The following TOPORS variants were observed in gnomAD, a reference collection of about 807,000 sequenced individuals.
TOPORS encodes TOP1 binding arginine/serine rich protein, E3 ubiquitin ligase.
Under a neutral mutation model 81.4 loss-of-function variants are expected in TOPORS, and 25 were observed. That is an observed-to-expected ratio of 0.31 (90% CI 0.22 to 0.43). TOPORS has a LOEUF of 0.43. TOPORS is among the 20% of genes least tolerant of loss of function. TOPORS has a pLI of 1.00. For missense variants in TOPORS, 1,101 were observed against 1,267.0 expected, an observed-to-expected ratio of 0.87 and a Z score of 1.99; for synonymous variants, 473 against 456.6, an observed-to-expected ratio of 1.04 and a Z score of -0.46.
At position 32,550,781 on chromosome 9, in the gene TOPORS, G is replaced by A; in HGVS notation, c.191C>T (p.Ser64Phe). The change falls in exon 2 of 3, where the codon TCC becomes TTC. Residue 64 changes from serine (S) to phenylalanine (F), a missense_variant. This residue lies in a region of TOPORS where 131 missense variants were observed against 101.0 expected (regional missense o/e 1.30). Transcript: ENST00000360538. ...ASAPARPAPA[S>F]SEIMASAAKE... ...GTTCCGAATCTCACTCACCTCGGAG[G>A]ATGCCGGCGCAGGCCTGGCTGGGGC... 6.2e-7 allele frequency: 1 copy of A among 1,612,916 alleles called. No homozygotes were observed.
chr9:32,543,503 C>T lies in TOPORS; in HGVS notation c.1022G>A (p.Arg341Lys). 6.2e-7 allele frequency: 1 copy of T among 1,613,876 alleles called. No individual in the cohort carries two copies. ...LESQAFVSDL[R>K]PFLLNRTEHF... ...CTCAGTTCGATTAAGTAAAAATGGT[C>T]TTAAATCAGACACAAATGCCTGACT... The change falls in exon 3 of 3, where the codon AGA becomes AAA. Residue 341 changes from arginine to lysine, a missense_variant. This residue lies in a region of TOPORS where 69 missense variants were observed against 153.6 expected (regional missense o/e 0.45). Transcript: ENST00000360538. This position sits in a 1 kb window ranked among gnomAD's most constrained non-coding sequence, Gnocchi z 5.6.
intron 2 of TOPORS, among the ~76,000 whole-genome samples, chr9:32,548,314 G>C (rs966590387): frequency 2.0e-5 from 3 of 150,750 alleles, no homozygotes; most frequent in African/African-American, 4.9e-5. Flanking sequence ...ACCTGAGGTC[G>C]GGAGTTCGAG....
At chr9:32,547,580 T>C (rs1252858641) in intron 2 of TOPORS, among the ~76,000 whole-genome samples, 1 of 151,896 alleles carries the variant, frequency 6.6e-6, no homozygotes. Context: ...TTATGCTAAA[T>C]GAATGAAAAA....
rs1203089311 is a variant in TOPORS, at chr9:32,541,191, A to G, written c.*196T>C. ...TCATTTTCTTCACTTAAAAGTGCAT[A>G]TCTTTGAGGGTGGGACATACATTTT... On this transcript the variant is annotated 3_prime_UTR_variant, in exon 3 of 3. Transcript: ENST00000360538. 1.8e-6 allele frequency: 1 copy of G among 547,754 alleles called. No individual in the cohort carries two copies. Among genetic ancestry groups the G allele is most frequent in the Non-Finnish European group, 3.2e-6 (1 of 312,938 alleles). 33.9% of individuals were successfully genotyped at this position (547,754 alleles called of 1,614,324 possible).
At position 32,541,717 on chromosome 9, in the gene TOPORS, T is replaced by C. The variant is rs193920910; in HGVS notation, c.2808A>G (p.Gln936=). ...CCAAGGAAGGAGCCAAAAACTCATT[T>C]TGTAGAGGGTCTTGAGGACCACTAT... ...CDNSGPQDPL[Q]NEFLAPSLEP... The change falls in exon 3 of 3, where the codon CAA becomes CAG. Residue 936 remains glutamine (Q), a synonymous_variant. Coordinates refer to ENST00000360538, the MANE Select transcript of TOPORS (RefSeq NM_005802.5). The C allele has an allele frequency of 5.6e-6, 9 of 1,614,108 alleles. No individual in the cohort carries two copies. Among genetic ancestry groups the C allele is most frequent in the Middle Eastern group, 1.6e-4 (1 of 6,084 alleles).
chr9:32,542,375 T>C lies in TOPORS; in HGVS notation c.2150A>G (p.Glu717Gly). 6.2e-7 allele frequency: 1 copy of C among 1,614,126 alleles called. No individual in the cohort carries two copies. The highest frequency in any genetic ancestry group is 2.2e-5 in the East Asian group (1 of 44,888). The change falls in exon 3 of 3, where the codon GAA becomes GGA. Residue 717 changes from glutamate (E) to glycine (G), a missense_variant. Coordinates refer to ENST00000360538, the MANE Select transcript of TOPORS (RefSeq NM_005802.5). ...CAGAGTCCTCCTCCTGTAAGATGAT[T>C]CGTACCCATCCCTGTCCTTGTTTCT... ...YSRNKDRDGYESSYRRRTLSR... is the reference protein window; with the variant it reads ...YSRNKDRDGYGSSYRRRTLSR...
At chr9:32,552,237 G>C (rs1388867327) in intron 1 of TOPORS, 197 bp downstream of exon 1, 7 of 699,306 alleles carry the variant, frequency 1.0e-5, no homozygotes, top group African/African-American at 1.8e-5. Flanking sequence ...CTAAAAGGCG[G>C]GCAAGGCCCC....
chr9:32,549,477 A>T (rs1054436630), intron 2 of TOPORS, among the ~76,000 whole-genome samples: 3 of 152,204 alleles, frequency 2.0e-5, no homozygotes, highest in African/African-American at 7.2e-5. Context: ...TTTTTCTCAA[A>T]ATCTCACGTT....
At position 32,542,963 on chromosome 9, in the gene TOPORS, G is replaced by T. The variant is rs2118967612; in HGVS notation, c.1562C>A (p.Ser521Tyr). 1 of 1,614,172 alleles carries T rather than the reference G, an allele frequency of 6.2e-7. No individual in the cohort carries two copies. The highest frequency in any genetic ancestry group is 2.2e-5 in the East Asian group (1 of 44,876). ...AACATCGCTATCACCAGAACTGTAAGATTGCTCCTGTTCTTGTGTCTTCAC... is the reference window on the plus strand; with the variant it reads ...AACATCGCTATCACCAGAACTGTAATATTGCTCCTGTTCTTGTGTCTTCAC... Reference protein sequence around the residue: ...ETVKTQEQEQSYSSGDSDVSR... With the variant: ...ETVKTQEQEQYYSSGDSDVSR... The change falls in exon 3 of 3, where the codon TCT becomes TAT. Residue 521 changes from serine (S) to tyrosine (Y), a missense_variant. This residue lies in a region of TOPORS where 605 missense variants were observed against 636.1 expected (regional missense o/e 0.95). Coordinates refer to ENST00000360538, the MANE Select transcript of TOPORS (RefSeq NM_005802.5).
chr9:32,541,503 A>G lies in TOPORS; in HGVS notation c.3022T>C (p.Leu1008=). ...ACAATGTTACTGGGCTGGTTCTCCA[A>G]ATCAGAAACAAAGGTGCTCTCTTCT... is the stretch of plus-strand genomic sequence containing the variant. ...VREESTFVSD[L]ENQPSNIVSL... Residue 1008 remains leucine, a synonymous_variant, in exon 3 of 3, where the codon TTG becomes CTG. Transcript: ENST00000360538. 4.3e-6 allele frequency: 7 copies of G among 1,614,226 alleles called. No individual in the cohort carries two copies. Among genetic ancestry groups the G allele is most frequent in the Non-Finnish European group, 5.9e-6 (7 of 1,180,024 alleles).
intron 2 of TOPORS, among the ~76,000 whole-genome samples, chr9:32,545,710 G>A (rs1821132101): frequency 6.6e-6 from 1 of 152,044 alleles, no homozygotes; most frequent in African/African-American, 2.4e-5. Flanking sequence ...GCAGTGAGCT[G>A]AGACTGCACC....
intron 1 of TOPORS, 66 bp downstream of exon 1, chr9:32,552,368 G>C (rs1219261689): frequency 1.3e-6 from 2 of 1,592,244 alleles, no homozygotes; most frequent in African/African-American, 2.7e-5. Context: ...GGCAGCCACC[G>C]CCTGGGAGGT....
rs947595008 is a variant in TOPORS, at chr9:32,549,602, C to T, written c.198+1172G>A. Among the ~76,000 whole-genome samples the T allele has an allele frequency of 3.3e-5, 5 of 152,144 alleles. No homozygotes were observed. In the East Asian group the frequency reaches 7.7e-4, roughly 23 times the overall value. Reference sequence around the variant, plus strand: ...GAACTCAACAATGTTCTCTATGTTACGTGAACACGAAGTGAATTTCGGTAG... The same window carrying T: ...GAACTCAACAATGTTCTCTATGTTATGTGAACACGAAGTGAATTTCGGTAG... On this transcript the variant is annotated intron_variant, in intron 2 of 2. Transcript: ENST00000360538.
chr9:32,550,857 A>G lies in TOPORS; in HGVS notation c.115T>C (p.Ser39Pro). Residue 39 changes from serine to proline, a missense_variant, in exon 2 of 3, where the codon TCC (serine) becomes CCC (proline). Ser to Pro is a moderately conservative substitution (Grantham distance 74, BLOSUM62 -1). Coordinates refer to ENST00000360538, the MANE Select transcript of TOPORS (RefSeq NM_005802.5). ...RRSRRVRLRG[S>P]CRHRPSFLGC... is the part of the protein sequence containing the mutation. ...AGAAAGCTAGGTCGGTGTCGGCAGG[A>G]TCCGCGAAGGCGTACCCGGCGACTT... The G allele has an allele frequency of 6.2e-7, 1 of 1,613,028 alleles. No homozygotes were observed. Among genetic ancestry groups the G allele is most frequent in the Non-Finnish European group, 8.5e-7 (1 of 1,179,796 alleles).
rs1366594874 is a variant in TOPORS at position 32,543,713 on chromosome 9, T to G, written c.812A>C (p.Asn271Thr). Residue 271 changes from asparagine to threonine, a missense_variant, in exon 3 of 3, where the codon AAT (asparagine) becomes ACT (threonine). Around this residue, in one of 9 missense-constraint regions of TOPORS, gnomAD observed 69 missense variants for 153.6 expected, o/e 0.45. Transcript: ENST00000360538. This position sits in a 1 kb window ranked among gnomAD's most constrained non-coding sequence, Gnocchi z 5.6. Reference sequence around the variant, plus strand: ...CCTGTAGCGGCCACCATCTTCAATATTTCTAACTCGAGCACCAGCACGATA... The same window carrying G: ...CCTGTAGCGGCCACCATCTTCAATAGTTCTAACTCGAGCACCAGCACGATA... ...TLYRAGARVR[N>T]IEDGGRYRDI... is the part of the protein sequence containing the mutation. The G allele has an allele frequency of 6.2e-7, 1 of 1,613,074 alleles. No homozygotes were observed. Among genetic ancestry groups the G allele is most frequent in the Admixed American group, 1.7e-5 (1 of 59,960 alleles).
In TOPORS at chr9:32,543,947, T is replaced by C. The variant is rs1429765992; in HGVS notation, c.578A>G (p.Tyr193Cys). 7 of 1,614,154 alleles carry C rather than the reference T, an allele frequency of 4.3e-6. No individual in the cohort carries two copies. The highest frequency in any genetic ancestry group is 5.9e-6 in the Non-Finnish European group (7 of 1,180,006). ...TLTRERNASV[Y>C]SPSGPVNRRT... The stretch of plus-strand genomic sequence containing the variant: ...TCTGTTCACAGGACCACTAGGTGAA[T>C]ACACAGAAGCATTTCGTTCCCTTGT... The change falls in exon 3 of 3, where the codon TAT becomes TGT. Residue 193 changes from tyrosine (Y) to cysteine (C), a missense_variant. Tyr to Cys is a radical substitution (Grantham distance 194, BLOSUM62 -2). Coordinates refer to ENST00000360538, the MANE Select transcript of TOPORS (RefSeq NM_005802.5). This position sits in a 1 kb window ranked among gnomAD's most constrained non-coding sequence, Gnocchi z 5.6.
rs539334628 is a variant in TOPORS at position 32,542,085 on chromosome 9, G to A, written c.2440C>T (p.Arg814Cys). ...TCCTTTGCTTTAGAAGCAAATTCACGAGATGGCTGAGCCACTTCGTTAGTA... is the reference window on the plus strand; with the variant it reads ...TCCTTTGCTTTAGAAGCAAATTCACAAGATGGCTGAGCCACTTCGTTAGTA... ...EGTNEVAQPS[R>C]EFASKAKDSH... The change falls in exon 3 of 3, where the codon CGT (arginine) becomes TGT (cysteine). Residue 814 changes from arginine to cysteine, a missense_variant. Coordinates refer to ENST00000360538, the MANE Select transcript of TOPORS (RefSeq NM_005802.5). 2.2e-5 allele frequency: 36 copies of A among 1,614,036 alleles called. No individual in the cohort carries two copies. Among genetic ancestry groups the A allele is most frequent in the South Asian group, 2.0e-4 (18 of 91,054 alleles).
rs1320623988 is a variant in TOPORS at position 32,550,816 on chromosome 9, G to A, written c.156C>T (p.Leu52=). ...HRPSFLGCRE[L]AASAPARPAP... is the part of the protein sequence containing the mutation. Reference sequence around the variant, plus strand: ...CAGGCCTGGCTGGGGCGCTCGCCGCGAGCTCCCGGCAGCCCAGAAAGCTAG... The same window carrying A: ...CAGGCCTGGCTGGGGCGCTCGCCGCAAGCTCCCGGCAGCCCAGAAAGCTAG... Residue 52 remains leucine, a synonymous_variant, in exon 2 of 3, where the codon CTC becomes CTT. Coordinates refer to ENST00000360538, the MANE Select transcript of TOPORS (RefSeq NM_005802.5). The A allele has an allele frequency of 6.2e-7, 1 of 1,612,584 alleles. No individual in the cohort carries two copies. The highest frequency in any genetic ancestry group is 1.7e-5 in the Admixed American group (1 of 59,998).
At chr9:32,551,875 A>G in intron 1 of TOPORS, 1 of 402,514 alleles carries the variant, frequency 2.5e-6, no homozygotes, top group Admixed American at 2.7e-5. Flanking sequence ...GAATGGCTCG[A>G]TTTACAGGGG....
Sources: gnomAD v4.1 joint callset for allele counts (sites outside exome capture counted in the v4.1 genomes callset) on GRCh38, gnomAD v4.1.1 for gene constraint, gnomAD v4.1.1 regional missense constraint, Gnocchi (gnomAD v3.1) non-coding constraint, MANE v1.5 for transcripts, NCBI Gene and HGNC (gene_info 2026-07-23, HGNC 2026-07-21) for gene names.